Variants in DNAAF5 observed in about 807,000 individuals in gnomAD.
DNAAF5 encodes the protein dynein axonemal assembly factor 5.
DNAAF5 carries 64 observed loss-of-function variants against 75.8 expected under a neutral mutation model. The ratio of observed to expected loss-of-function variants is 0.84; its 90% confidence interval spans 0.69 to 1.04. The LOEUF (loss-of-function observed/expected upper bound fraction) is 1.04, where lower values mean the gene tolerates loss of function less well. DNAAF5 is among the 50% of genes least tolerant of loss of function. The probability of loss-of-function intolerance (pLI) is 0.00; values close to 1 mark genes in which losing one functional copy is unlikely to be tolerated. For missense variants in DNAAF5, 1,269 were observed against 1,178.5 expected (o/e 1.08, Z -1.12); for synonymous variants, 657 against 557.2 (o/e 1.18, Z -2.52).
chr7:760,611 C>G (rs530058981), intron 6 of DNAAF5, among the ~76,000 whole-genome samples: 24 of 152,342 alleles, frequency 1.6e-4, no homozygotes, highest in African/African-American at 5.5e-4. Context: ...GATTGCACCA[C>G]TGCACTCCAG....
chr7:768,468 C>T (rs1361832962), intron 8 of DNAAF5: 2 of 150,724 alleles, frequency 1.3e-5, no homozygotes, highest in South Asian at 2.1e-4. Context: ...GACACGTGGT[C>T]CGGGCGGAAG....
At chr7:756,665 TA>T in intron 5 of DNAAF5, 116 bp from the exon 6 acceptor site, 2 of 891,240 alleles carry the variant, frequency 2.2e-6, no homozygotes, top group Non-Finnish European at 1.8e-6. Context: ...TCACTCTGCC[TA>T]ACACGGGGCT....
chr7:729,079 C>T (rs1781471970), intron 1 of DNAAF5, among the ~76,000 whole-genome samples: 1 of 150,752 alleles, frequency 6.6e-6, no homozygotes, highest in Non-Finnish European at 1.5e-5. Context: ...TCACTGCAAC[C>T]TCCGCCTCCT....
intron 6 of DNAAF5, among the ~76,000 whole-genome samples, chr7:757,434 C>T (rs1412034490): frequency 2.0e-5 from 3 of 152,242 alleles, no homozygotes; most frequent in African/African-American, 4.8e-5. Context: ...GGTCGCACGT[C>T]CACCATCCCA....
intron 2 of DNAAF5, among the ~76,000 whole-genome samples, chr7:735,793 T>C (rs1487454391): frequency 6.6e-6 from 1 of 152,184 alleles, no homozygotes; most frequent in African/African-American, 2.4e-5. Context: ...TTATTTCTGC[T>C]CTTATTTCTT....
In DNAAF5 at chr7:763,928, A is replaced by C; in HGVS notation, c.1737A>C (p.Ala579=). The change falls in exon 8 of 13, where the codon GCA becomes GCC. Residue 579 remains alanine, a synonymous_variant. Transcript: ENST00000297440. ...CCGCGTCGCACCTTGACTGGACCGC[A>C]CACTCGCCGGAGCTCCTGCAGTTCA... ...RVTASHLDWT[A]HSPELLQFSV... 6.2e-7 allele frequency: 1 copy of C among 1,609,602 alleles called. No homozygotes were observed. The highest frequency in any genetic ancestry group is 1.3e-5 in the African/African-American group (1 of 75,040).
intron 12 of DNAAF5, among the ~76,000 whole-genome samples, chr7:783,380 G>A (rs1001885775): frequency 6.6e-5 from 10 of 152,202 alleles, no homozygotes; most frequent in Non-Finnish European, 8.8e-5. Flanking sequence ...AGCTGCTCCC[G>A]CATCTGCGCA....
chr7:729,738 G>C lies in DNAAF5; in HGVS notation c.671G>C (p.Arg224Pro). The C allele has an allele frequency of 2.5e-6, 4 of 1,614,140 alleles. No individual in the cohort carries two copies. Among genetic ancestry groups the C allele is most frequent in the Non-Finnish European group, 3.4e-6 (4 of 1,180,014 alleles). ...ATCTCCCACCAGCACTGGAAGGTCC[G>C]TGTGGCCGCCATTGAAGCCACAGGC... ...QTISHQHWKVRVAAIEATGAV... is the reference protein window; with the variant it reads ...QTISHQHWKVPVAAIEATGAV... The change falls in exon 2 of 13, where the codon CGT becomes CCT. Residue 224 changes from arginine (R) to proline (P), a missense_variant. Physicochemically the swap from Arg to Pro is moderately radical, Grantham distance 103 (BLOSUM62 -2). Transcript: ENST00000297440.
chr7:764,460 C>A (rs893295599), intron 8 of DNAAF5, among the ~76,000 whole-genome samples: 7 of 152,186 alleles, frequency 4.6e-5, no homozygotes, highest in Admixed American at 6.5e-5. Context: ...CACTGCAGAA[C>A]CCTAAGGAGA....
intron 12 of DNAAF5, among the ~76,000 whole-genome samples, chr7:781,213 C>T (rs1778929345): frequency 6.6e-6 from 1 of 152,228 alleles, no homozygotes; most frequent in Admixed American, 6.5e-5. Context: ...AGCCATCCTT[C>T]TGCTCTATCT....
chr7:729,891 C>T, intron 2 of DNAAF5, 44 bp downstream of exon 2: 4 of 1,591,876 alleles, frequency 2.5e-6, no homozygotes, highest in Non-Finnish European at 3.4e-6. Flanking sequence ...CTCTCCAACA[C>T]AGGCGGGCTG....
chr7:780,713 G>T (rs943680910), intron 12 of DNAAF5, among the ~76,000 whole-genome samples: 1 of 152,166 alleles, frequency 6.6e-6, no homozygotes, highest in Non-Finnish European at 1.5e-5. Flanking sequence ...TCCCTTGAAG[G>T]TCACTCACAG....
chr7:769,160 G>A (rs1484068422), intron 8 of DNAAF5: 2 of 773,794 alleles, frequency 2.6e-6, no homozygotes, highest in African/African-American at 1.7e-5. Context: ...GACTGGCGGC[G>A]CCAGGGAGAA....
intron 12 of DNAAF5, among the ~76,000 whole-genome samples, chr7:780,910 T>G (rs1778919961): frequency 7.7e-6 from 1 of 130,012 alleles, no homozygotes; most frequent in African/African-American, 3.0e-5. Context: ...TTTTTAATTT[T>G]TGTGGGTACA....
In DNAAF5 at chr7:741,362, C is replaced by A. The variant is rs113374052; in HGVS notation, c.921C>A (p.Ser307Arg). ...TGTGCCTCAGGCAGCTGGCTGCCAG[C>A]CTCTGGGAGGACGTTGGCCTGCAGT... is the stretch of plus-strand genomic sequence containing the variant. ...EVPEVRQLAA[S>R]LWEDVGLQWQ... The change falls in exon 4 of 13, where the codon AGC becomes AGA. Residue 307 changes from serine to arginine, a missense_variant. Ser to Arg is a moderately radical substitution (Grantham distance 110). Transcript: ENST00000297440. 0.015 allele frequency: 23,322 copies of A among 1,588,566 alleles called. 229 individuals are homozygous for A. The highest frequency in any genetic ancestry group is 0.017 in the Non-Finnish European group (19,834 of 1,168,598).
At position 770,470 on chromosome 7, in the gene DNAAF5, G is replaced by T. The variant is rs765025514; in HGVS notation, c.1784-1G>T. ...ACAGGAGCCTCTGTTGTGTCTTACAGGCCCTGCCCTGGGAGAAGCCCTGCC... is the reference window on the plus strand; with the variant it reads ...ACAGGAGCCTCTGTTGTGTCTTACATGCCCTGCCCTGGGAGAAGCCCTGCC... On this transcript the variant is annotated splice_acceptor_variant, in intron 8 of 12. Coordinates refer to ENST00000297440, the MANE Select transcript of DNAAF5 (RefSeq NM_017802.4). LOFTEE classifies it high-confidence loss of function. 13 of 1,612,728 alleles carry T rather than the reference G, an allele frequency of 8.1e-6. No individual in the cohort carries two copies. The African/African-American group carries it at 1.5e-4, about 18-fold the overall frequency.
At chr7:749,680 G>A (rs1190984398) in intron 4 of DNAAF5, among the ~76,000 whole-genome samples, 2 of 152,154 alleles carry the variant, frequency 1.3e-5, no homozygotes, top group Admixed American at 6.5e-5. Flanking sequence ...GTTAGCCGGG[G>A]GTGTTACAGA....
intron 11 of DNAAF5, 150 bp downstream of exon 11, chr7:775,312 A>C: frequency 2.7e-6 from 2 of 738,140 alleles, no homozygotes; most frequent in Non-Finnish European, 4.6e-6. Context: ...CCAGCACTTT[A>C]GGCAGGAGGG....
Position 739,766 on chromosome 7 carries a change from T to C in DNAAF5, c.781-1053T>C, listed in dbSNP as rs978022268. On this transcript the variant is annotated intron_variant, in intron 2 of 12. Transcript: ENST00000297440. Reference sequence around the variant, plus strand: ...CGGAGCAGTCAGGCCAGGGCCCGGGTCCCAGGCCGGCAGGGGCGGATCCTA... The same window carrying C: ...CGGAGCAGTCAGGCCAGGGCCCGGGCCCCAGGCCGGCAGGGGCGGATCCTA... 3.3e-5 allele frequency among the ~76,000 whole-genome samples: 5 copies of C among 152,060 alleles called. No homozygotes were observed. The East Asian group carries it at 5.8e-4, about 18-fold the overall frequency.
Sources: gnomAD v4.1 joint callset for allele counts (sites outside exome capture counted in the v4.1 genomes callset) on GRCh38, gnomAD v4.1.1 for gene constraint, MANE v1.5 for transcripts, NCBI Gene and HGNC (gene_info 2026-07-23, HGNC 2026-07-21) for gene names.